Variants in WDSUB1 observed in about 807,000 individuals in gnomAD.
WDSUB1 encodes WD repeat, SAM and U-box domain-containing protein 1.
Under a neutral mutation model 53.9 loss-of-function variants are expected in WDSUB1, and 49 were observed. The observed-to-expected ratio is 0.91, with a 90% CI of 0.72 to 1.15. WDSUB1 has a LOEUF of 1.15. WDSUB1 is among the 50% of genes most tolerant of loss of function. The pLI, the probability that WDSUB1 is intolerant of heterozygous loss-of-function variation, is 0.00. For missense variants in WDSUB1, 514 were observed against 562.0 expected, an observed-to-expected ratio of 0.91 and a Z score of 0.86; for synonymous variants, 194 against 200.6, an observed-to-expected ratio of 0.97 and a Z score of 0.28.
rs565444754 is a variant in WDSUB1 at position 159,238,797 on chromosome 2, C to A, written c.1274-2607G>T. ...TGCTGTTCTTGTTTATTAGGTTCCA[C>A]GTGAAGAATCACCTTGTGTATCTCT... On this transcript the variant is annotated intron_variant, in intron 10 of 10. Coordinates refer to ENST00000359774, the MANE Select transcript of WDSUB1 (RefSeq NM_001128212.3). Among the ~76,000 whole-genome samples the A allele has an allele frequency of 2.0e-5, 3 of 151,896 alleles. No individual in the cohort carries two copies. In the South Asian group the frequency reaches 6.3e-4, roughly 32 times the overall value.
In WDSUB1 at chr2:159,236,049, T is replaced by C; in HGVS notation, c.1415A>G (p.Glu472Gly). The C allele has an allele frequency of 6.2e-7, 1 of 1,606,084 alleles. No homozygotes were observed. Among genetic ancestry groups the C allele is most frequent in the Non-Finnish European group, 8.5e-7 (1 of 1,178,048 alleles). Residue 472 changes from glutamate to glycine, a missense_variant, in exon 11 of 11, where the codon GAG (glutamate) becomes GGG (glycine). By Grantham distance (98) the Glu-to-Gly change is moderately conservative. Coordinates refer to ENST00000359774, the MANE Select transcript of WDSUB1 (RefSeq NM_001128212.3). The part of the protein sequence containing the change: ...TLKMAINRWL[E>G]THQK ...TCAACAATTTTACTTTTGGTGTGTC[T>C]CCAGCCATCTATTGATGGCCATTTT...
At chr2:159,240,711 G>C (rs1222875388) in intron 10 of WDSUB1, among the ~76,000 whole-genome samples, 1 of 152,168 alleles carries the variant, frequency 6.6e-6, no homozygotes, top group East Asian at 1.9e-4. Context: ...GGTATGGCCT[G>C]AATAACTTTC....
At chr2:159,278,773 T>C (rs2061593962) in intron 3 of WDSUB1, among the ~76,000 whole-genome samples, 1 of 152,172 alleles carries the variant, frequency 6.6e-6, no homozygotes. Context: ...AGAACATGTT[T>C]TGCTTTTGGG....
Position 159,235,806 on chromosome 2 carries a change from A to G in WDSUB1, c.*227T>C. 2.9e-6 allele frequency: 1 copy of G among 343,154 alleles called. No individual in the cohort carries two copies. The highest frequency in any genetic ancestry group is 5.1e-6 in the Non-Finnish European group (1 of 195,708). The allele number at this position is 343,154 out of a possible 1,614,324, so 21.3% of individuals were successfully genotyped here. A position where few individuals can be genotyped will look rare whatever the true frequency, so the allele number is the denominator to read the frequency against. On this transcript the variant is annotated 3_prime_UTR_variant, in exon 11 of 11. Transcript: ENST00000359774. ...AACTTAGGACACTGCAATTTAAAGT[A>G]TAACTTTATTTCTATATAGCTGAAG...
chr2:159,259,694 TTCTTAG>T, intron 6 of WDSUB1, 110 bp downstream of exon 6: 1 of 1,126,420 alleles, frequency 8.9e-7, no homozygotes, highest in Non-Finnish European at 1.2e-6. Flanking sequence ...AATATTTATG[TTCTTAG>T]TCATACTAAA....
At chr2:159,263,643 T>A (rs893665173) in intron 5 of WDSUB1, among the ~76,000 whole-genome samples, 2 of 152,102 alleles carry the variant, frequency 1.3e-5, no homozygotes, top group African/African-American at 4.8e-5. Flanking sequence ...AGGACCACTT[T>A]CCCCAAGGCC....
intron 5 of WDSUB1, 59 bp from the exon 6 acceptor site, chr2:159,259,902 G>T: frequency 7.2e-7 from 1 of 1,395,876 alleles, no homozygotes; most frequent in Non-Finnish European, 9.6e-7. Flanking sequence ...CAGCATTTAT[G>T]TAATTAGTAT....
chr2:159,280,708 A>AAAAAAAAAAAAAAAAAAAAAAAAAAAC (rs111752652), intron 2 of WDSUB1, among the ~76,000 whole-genome samples: 5 of 134,376 alleles, frequency 3.7e-5, no homozygotes, highest in Middle Eastern at 3.8e-3. Context: ...AAAAAAAAAA[A>AAAAAAAAAAAAAAAAAAAAAAAAAAAC]ATTACCCAGA....
At chr2:159,278,755 G>A (rs2061593689) in intron 3 of WDSUB1, among the ~76,000 whole-genome samples, 1 of 152,114 alleles carries the variant, frequency 6.6e-6, no homozygotes, top group South Asian at 2.1e-4. Flanking sequence ...TTGAGATTAG[G>A]GGGAAGCAGA....
rs532936924 is a variant in WDSUB1 at position 159,275,969 on chromosome 2, T to C, written c.584-331A>G. Among the ~76,000 whole-genome samples the C allele has an allele frequency of 5.9e-5, 9 of 152,318 alleles. No homozygotes were observed. The South Asian group carries it at 1.9e-3, about 32-fold the overall frequency. The stretch of plus-strand genomic sequence containing the variant: ...ATTTGAGAGTCTATGAGGCTAGCAC[T>C]GATAGGAAAAATCAGGAAGAAAAGT... On this transcript the variant is annotated intron_variant, in intron 3 of 10. Coordinates refer to ENST00000359774, the MANE Select transcript of WDSUB1 (RefSeq NM_001128212.3).
At chr2:159,258,062 T>G in intron 6 of WDSUB1, 77 bp from the exon 7 acceptor site, 1 of 1,300,664 alleles carries the variant, frequency 7.7e-7, no homozygotes, top group Non-Finnish European at 1.1e-6. Flanking sequence ...TTGACATAAA[T>G]GGGTTGTATA....
intron 5 of WDSUB1, among the ~76,000 whole-genome samples, chr2:159,263,225 CA>C (rs2061262755): frequency 6.6e-6 from 1 of 152,192 alleles, no homozygotes; most frequent in Non-Finnish European, 1.5e-5. Flanking sequence ...TAATCAAATA[CA>C]ATCACTAGCA....
chr2:159,236,298 AG>A (rs2060480533), intron 10 of WDSUB1, 108 bp from the exon 11 acceptor site: 1 of 1,094,392 alleles, frequency 9.1e-7, no homozygotes, highest in Non-Finnish European at 1.3e-6. Flanking sequence ...TTGTGACTTA[AG>A]GGTTATTCCT....
At chr2:159,267,020 G>A (rs2061360011) in intron 5 of WDSUB1, among the ~76,000 whole-genome samples, 1 of 151,866 alleles carries the variant, frequency 6.6e-6, no homozygotes, top group Admixed American at 6.6e-5. Context: ...TGATCCTCCT[G>A]CCTCAGCCTC....
At chr2:159,239,697 T>A (rs1293079477) in intron 10 of WDSUB1, among the ~76,000 whole-genome samples, 1 of 152,140 alleles carries the variant, frequency 6.6e-6, no homozygotes, top group Non-Finnish European at 1.5e-5. Context: ...CCAAGGCAAG[T>A]GGATCACTTG....
intron 5 of WDSUB1, among the ~76,000 whole-genome samples, chr2:159,270,571 C>T (rs75733206): frequency 0.04 from 6,133 of 152,182 alleles, 399 homozygotes; most frequent in African/African-American, 0.14. Flanking sequence ...GGGAGTACAA[C>T]AAAATGGAGG....
intron 10 of WDSUB1, among the ~76,000 whole-genome samples, chr2:159,244,028 T>C (rs949954995): frequency 6.6e-6 from 1 of 151,952 alleles, no homozygotes; most frequent in Non-Finnish European, 1.5e-5. Flanking sequence ...TATTATAGTC[T>C]AAAGGAGGAA....
intron 2 of WDSUB1, among the ~76,000 whole-genome samples, chr2:159,280,845 T>C (rs2061649661): frequency 6.6e-6 from 1 of 151,922 alleles, no homozygotes; most frequent in African/African-American, 2.4e-5. Context: ...TTAGGAAAAA[T>C]AAGCTGTTAA....
At chr2:159,238,045 G>C (rs1256368819) in intron 10 of WDSUB1, among the ~76,000 whole-genome samples, 1 of 152,150 alleles carries the variant, frequency 6.6e-6, no homozygotes, top group East Asian at 1.9e-4. Flanking sequence ...AGTATATGTT[G>C]TCAAACTCCT....
Sources: allele counts gnomAD v4.1 joint callset (sites outside exome capture counted in the v4.1 genomes callset), GRCh38; gene constraint gnomAD v4.1.1; transcripts MANE v1.5; gene names NCBI Gene and HGNC (gene_info 2026-07-23, HGNC 2026-07-21).